The following RRBP1 variants were observed in gnomAD, a reference collection of about 807,000 sequenced individuals.
RRBP1 encodes the protein ribosome binding protein 1, also known as ribosome-binding protein 1.
RRBP1 carries 94 observed loss-of-function variants against 165.2 expected under a neutral mutation model. That is an observed-to-expected ratio of 0.57 (90% CI 0.48 to 0.68). RRBP1 has a LOEUF of 0.68. Among genes scored for constraint, RRBP1 ranks in the 30% least tolerant of loss-of-function variants. The pLI is 0.00. For synonymous variants in RRBP1, 680 were observed against 714.5 expected, an observed-to-expected ratio of 0.95 and a Z score of 0.77; for missense variants, 1,676 against 1,763.0, an observed-to-expected ratio of 0.95 and a Z score of 0.88.
At chr20:17,663,063 G>A (rs1018200587) in intron 2 of RRBP1, among the ~76,000 whole-genome samples, 4 of 152,024 alleles carry the variant, frequency 2.6e-5, no homozygotes, top group Middle Eastern at 3.2e-3. Flanking sequence ...CTAGAGAAAC[G>A]AACATTAGGG....
intron 20 of RRBP1, 44 bp downstream of exon 20, chr20:17,618,552 G>GC: frequency 7.0e-7 from 1 of 1,427,560 alleles, no homozygotes; most frequent in African/African-American, 1.4e-5. Flanking sequence ...CACACGCAAC[G>GC]CCCCAGGTCA....
In RRBP1 at chr20:17,658,978, T is replaced by C. The variant is rs1361793392; in HGVS notation, c.1530A>G (p.Gln510=). 7 of 1,611,886 alleles carry C rather than the reference T, an allele frequency of 4.3e-6. No individual in the cohort carries two copies. In the African/African-American group the frequency reaches 8.0e-5, roughly 18 times the overall value. The change falls in exon 3 of 25, where the codon CAA becomes CAG. Residue 510 remains glutamine, a synonymous_variant. Transcript: ENST00000377813. ...KKAEGAQNQG[Q]KGEGAQNQGK... is the part of the protein sequence containing the mutation. ...CCTGATTCTGGGCTCCCTCTCCTTTTTGGCCCTGGTTCTGGGCTCCCTCGG... is the reference window on the plus strand; with the variant it reads ...CCTGATTCTGGGCTCCCTCTCCTTTCTGGCCCTGGTTCTGGGCTCCCTCGG...
chr20:17,615,614 C>G (rs971476231), intron 22 of RRBP1, 85 bp from the exon 23 acceptor site: 1 of 1,155,848 alleles, frequency 8.7e-7, no homozygotes, highest in Non-Finnish European at 1.2e-6. Context: ...GCCTGGGGAC[C>G]AGGGGGCCCC....
chr20:17,677,913 T>A (rs1461720578), intron 2 of RRBP1, among the ~76,000 whole-genome samples: 1 of 152,136 alleles, frequency 6.6e-6, no homozygotes, highest in African/African-American at 2.4e-5. Context: ...TAGTCACTGG[T>A]GTAGGAAGCA....
In RRBP1 at chr20:17,675,964, T is replaced by C. The variant is rs529906583; in HGVS notation, c.-22+4035A>G. ...GGCTCACGCCTACAATCCTGGCACT[T>C]TGGGTGGCCAAGGCAGGAGGACTCC... On this transcript the variant is annotated intron_variant, in intron 2 of 24. Coordinates refer to ENST00000377813, the MANE Select transcript of RRBP1 (RefSeq NM_001365613.2). 5.9e-4 allele frequency among the ~76,000 whole-genome samples: 90 copies of C among 152,254 alleles called. 1 individual carries two copies. In the South Asian group the frequency reaches 0.018, roughly 30 times the overall value.
At chr20:17,618,519 G>T in intron 20 of RRBP1, 77 bp downstream of exon 20, 3 of 1,119,820 alleles carry the variant, frequency 2.7e-6, no homozygotes, top group South Asian at 1.2e-5. Flanking sequence ...GGACACAAAC[G>T]CATGACTGGC....
At chr20:17,616,646 T>A in intron 21 of RRBP1, 86 bp downstream of exon 21, 1 of 868,138 alleles carries the variant, frequency 1.2e-6, no homozygotes, top group Admixed American at 2.3e-5. Context: ...GAGCAGCCAG[T>A]GCGGGGTTTA....
intron 23 of RRBP1, among the ~76,000 whole-genome samples, chr20:17,615,215 G>A (rs1028418706): frequency 1.3e-5 from 2 of 152,192 alleles, no homozygotes; most frequent in Non-Finnish European, 2.9e-5. Flanking sequence ...TTCACATTTC[G>A]ACAGCCACCA....
At chr20:17,666,011 T>A (rs2036861037) in intron 2 of RRBP1, among the ~76,000 whole-genome samples, 1 of 152,186 alleles carries the variant, frequency 6.6e-6, no homozygotes, top group South Asian at 2.1e-4. Context: ...TGTTTCTAGA[T>A]TCTACACTTT....
intron 2 of RRBP1, among the ~76,000 whole-genome samples, chr20:17,678,648 G>A (rs543732434): frequency 6.6e-6 from 1 of 152,340 alleles, no homozygotes; most frequent in Middle Eastern, 3.4e-3. Flanking sequence ...AACTTTCTGT[G>A]ATGGTGGAAA....
chr20:17,619,538 A>ACCT lies in RRBP1; in HGVS notation c.3675+94_3675+95insAGG, dbSNP rs563270872. 4.0e-5 allele frequency: 34 copies of ACCT among 854,710 alleles called. No homozygotes were observed. The East Asian group carries it at 9.1e-4, about 23-fold the overall frequency. 52.9% of individuals were successfully genotyped at this position (854,710 alleles called of 1,614,324 possible). A position where few individuals can be genotyped will look rare whatever the true frequency, so the allele number is the denominator to read the frequency against. On this transcript the variant is annotated intron_variant, in intron 19 of 24. Coordinates refer to ENST00000377813, the MANE Select transcript of RRBP1 (RefSeq NM_001365613.2). Reference sequence around the variant, plus strand: ...GGACTCGGACTTCAAGGCTTATGTCACCGAGAGCTGCTCCCACAGGGCTGA... The same window carrying ACCT: ...GGACTCGGACTTCAAGGCTTATGTCACCTCCGAGAGCTGCTCCCACAGGGCTGA...
Position 17,660,113 on chromosome 20 carries a change from A to G in RRBP1, c.395T>C (p.Leu132Pro). Residue 132 changes from leucine (L) to proline (P), a missense_variant, in exon 3 of 25, where the codon CTG becomes CCG. Around this residue, in one of 5 missense-constraint regions of RRBP1, gnomAD observed 392 missense variants for 382.5 expected, o/e 1.02. Transcript: ENST00000377813. ...ATVPAMPQEK[L>P]ASSPKDKKKK... ...CTTTTTGTCCTTGGGGGAGGAGGCC[A>G]GCTTCTCCTGGGGCATGGCTGGAAC... The G allele has an allele frequency of 6.2e-7, 1 of 1,614,116 alleles. No individual in the cohort carries two copies. Among genetic ancestry groups the G allele is most frequent in the East Asian group, 2.2e-5 (1 of 44,876 alleles).
intron 13 of RRBP1, 50 bp downstream of exon 13, chr20:17,624,526 A>C: frequency 8.0e-7 from 1 of 1,257,180 alleles, no homozygotes; most frequent in East Asian, 2.4e-5. Context: ...GCATTTGTGC[A>C]TCCTAGTGCA....
At chr20:17,616,536 C>CCA (rs1181430407) in intron 21 of RRBP1, among the ~76,000 whole-genome samples, 196 bp downstream of exon 21, 9 of 152,224 alleles carry the variant, frequency 5.9e-5, no homozygotes, top group Non-Finnish European at 1.5e-5. Flanking sequence ...TCCAGCCTCT[C>CCA]CACCTGGCCA....
intron 8 of RRBP1, among the ~76,000 whole-genome samples, chr20:17,630,465 GACC>G (rs2122307217): frequency 6.6e-6 from 1 of 152,296 alleles, no homozygotes; most frequent in East Asian, 1.9e-4. Context: ...GTCAGTGTTT[GACC>G]ATTTTTACCT....
intron 2 of RRBP1, among the ~76,000 whole-genome samples, chr20:17,662,742 G>A (rs935457364): frequency 1.3e-5 from 2 of 152,084 alleles, no homozygotes; most frequent in African/African-American, 4.8e-5. Context: ...TGGGTAGGAG[G>A]ATGGGGACAA....
At chr20:17,669,359 T>C (rs558193990) in intron 2 of RRBP1, among the ~76,000 whole-genome samples, 3 of 152,324 alleles carry the variant, frequency 2.0e-5, no homozygotes, top group South Asian at 2.1e-4. Flanking sequence ...CTTCACCTTA[T>C]TGAGGAAGAC....
Position 17,639,963 on chromosome 20 carries a change from C to T in RRBP1, c.2184+1834G>A, listed in dbSNP as rs1014009785. 1.5e-4 allele frequency among the ~76,000 whole-genome samples: 23 copies of T among 151,546 alleles called. 1 individual carries two copies. Among genetic ancestry groups the T allele is most frequent in the Admixed American group, 1.2e-3 (18 of 15,256 alleles). On this transcript the variant is annotated intron_variant, in intron 5 of 24. Coordinates refer to ENST00000377813, the MANE Select transcript of RRBP1 (RefSeq NM_001365613.2). ...TGCTCAGGACTCTCAACAGAGAGCA[C>T]GAGCACAGGGAAGAGAAACGGCCAA...
At chr20:17,666,914 G>C (rs2122481066) in intron 2 of RRBP1, among the ~76,000 whole-genome samples, 1 of 152,164 alleles carries the variant, frequency 6.6e-6, no homozygotes, top group East Asian at 1.9e-4. Context: ...TGGAATTACA[G>C]TAATGCACAG....
Sources: gnomAD v4.1 joint callset for allele counts (sites outside exome capture counted in the v4.1 genomes callset) on GRCh38, gnomAD v4.1.1 for gene constraint, gnomAD v4.1.1 regional missense constraint, MANE v1.5 for transcripts, NCBI Gene and HGNC (gene_info 2026-07-23, HGNC 2026-07-21) for gene names.